The following SATB2 variants were observed in gnomAD, a reference collection of about 807,000 sequenced individuals.
The protein encoded by SATB2 is SATB homeobox 2, also known as DNA-binding protein SATB2.
SATB2 carries 1 observed loss-of-function variant against 73.4 expected under a neutral mutation model. The observed-to-expected ratio is 0.01, with a 90% CI of 0.00 to 0.06. The LOEUF (loss-of-function observed/expected upper bound fraction) is 0.06, where lower values mean the gene tolerates loss of function less well. SATB2 is among the 10% of genes least tolerant of loss of function. The pLI, the probability that SATB2 is intolerant of heterozygous loss-of-function variation, is 1.00. For missense variants in SATB2, 459 were observed against 945.8 expected (o/e 0.49, Z 6.75); for synonymous variants, 397 against 367.0 (o/e 1.08, Z -0.93).
intron 8 of SATB2, among the ~76,000 whole-genome samples, chr2:199,324,729 T>C (rs1314560843): frequency 6.6e-6 from 1 of 152,158 alleles, no homozygotes; most frequent in Non-Finnish European, 1.5e-5. Flanking sequence ...TGAATCTACT[T>C]AATCCAAAAG....
intron 7 of SATB2, among the ~76,000 whole-genome samples, chr2:199,340,659 T>C (rs1421558785): frequency 1.3e-5 from 2 of 152,172 alleles, no homozygotes; most frequent in Non-Finnish European, 2.9e-5. Context: ...AATGATACAG[T>C]CTTCTTATTG....
At chr2:199,330,433 GA>G (rs1381761873) in intron 7 of SATB2, among the ~76,000 whole-genome samples, 1 of 152,152 alleles carries the variant, frequency 6.6e-6, no homozygotes, top group Non-Finnish European at 1.5e-5. Context: ...ATACTTGGTA[GA>G]AAAGCTACAG....
rs1689454275 is a variant in SATB2, at chr2:199,371,748, G to C, written c.598-3041C>G. Among the ~76,000 whole-genome samples the C allele has an allele frequency of 1.3e-5, 2 of 152,126 alleles. 1 individual carries two copies. Among genetic ancestry groups the C allele is most frequent in the African/African-American group, 4.8e-5 (2 of 41,426 alleles). On this transcript the variant is annotated intron_variant, in intron 5 of 10. Transcript: ENST00000417098. ...CCATATCTTTTTGATAAAGGAATAA[G>C]AGCTGAGTCAACTTTTTCAATCCAG... is the stretch of plus-strand genomic sequence containing the variant.
chr2:199,467,217 G>T (rs542687629), upstream of SATB2, among the ~76,000 whole-genome samples: 1 of 152,384 alleles, frequency 6.6e-6, no homozygotes, highest in African/African-American at 2.4e-5. Flanking sequence ...CTTGTTGGCC[G>T]GTGGCTAAGG....
intron 3 of SATB2, among the ~76,000 whole-genome samples, chr2:199,424,438 GGT>G (rs1253953193): frequency 6.6e-6 from 1 of 151,916 alleles, no homozygotes; most frequent in African/African-American, 2.4e-5. Context: ...GACAGCTCTG[GGT>G]CCCACTTATA....
At chr2:199,446,085 T>A (rs1024788436) in intron 2 of SATB2, among the ~76,000 whole-genome samples, 2 of 152,122 alleles carry the variant, frequency 1.3e-5, no homozygotes, top group African/African-American at 2.4e-5. Context: ...TGACTTAATA[T>A]TAAGATTCCA....
chr2:199,374,779 C>T (rs1689548692), intron 5 of SATB2, among the ~76,000 whole-genome samples: 1 of 152,008 alleles, frequency 6.6e-6, no homozygotes, highest in African/African-American at 2.4e-5. Context: ...GTCTGGCTAA[C>T]ATGGTGAAAC....
At chr2:199,358,002 G>T (rs968084493) in intron 6 of SATB2, among the ~76,000 whole-genome samples, 2 of 152,038 alleles carry the variant, frequency 1.3e-5, no homozygotes, top group Non-Finnish European at 2.9e-5. Flanking sequence ...TGAAATTGGC[G>T]ATACGTAACA....
At chr2:199,290,239 T>C (rs1232891346) in intron 10 of SATB2, among the ~76,000 whole-genome samples, 5 of 152,266 alleles carry the variant, frequency 3.3e-5, no homozygotes, top group Admixed American at 2.6e-4. Flanking sequence ...TCACCAGGTT[T>C]GGGGCAGGCA....
At chr2:199,294,541 G>A (rs752085450) in intron 10 of SATB2, among the ~76,000 whole-genome samples, 19 of 151,954 alleles carry the variant, frequency 1.3e-4, no homozygotes, top group Non-Finnish European at 1.8e-4. Context: ...TGTCTCCTTG[G>A]GAGGCTTTCA....
At chr2:199,379,648 C>T (rs184116076) in intron 5 of SATB2, among the ~76,000 whole-genome samples, 1 of 150,366 alleles carries the variant, frequency 6.7e-6, no homozygotes, top group East Asian at 2.0e-4. Context: ...AAGTTAATGA[C>T]TGTATATGTA....
intron 10 of SATB2, among the ~76,000 whole-genome samples, chr2:199,281,882 CTTTTT>C (rs10718338): frequency 5.6e-5 from 7 of 124,082 alleles, no homozygotes; most frequent in Non-Finnish European, 5.3e-5. Flanking sequence ...TATTCTCTCT[CTTTTT>C]TTTTTTTTTT....
chr2:199,421,624 C>G (rs1691172629), intron 3 of SATB2, among the ~76,000 whole-genome samples: 1 of 152,160 alleles, frequency 6.6e-6, no homozygotes, highest in African/African-American at 2.4e-5. Flanking sequence ...CAGTAACCAA[C>G]CCGCACAATA....
intron 9 of SATB2, among the ~76,000 whole-genome samples, chr2:199,322,528 C>T (rs1377712855): frequency 6.6e-6 from 1 of 152,178 alleles, no homozygotes; most frequent in Non-Finnish European, 1.5e-5. Flanking sequence ...CTGTATTTCA[C>T]TGATTTCATT....
intron 10 of SATB2, among the ~76,000 whole-genome samples, chr2:199,300,453 CTA>C (rs529057255): frequency 1.3e-4 from 20 of 150,210 alleles, no homozygotes; most frequent in Non-Finnish European, 2.1e-4. Flanking sequence ...AAGGAAAAAA[CTA>C]TGAAAACATG....
In SATB2 at chr2:199,324,003, C is replaced by G. The variant is rs752564768; in HGVS notation, c.1387-45G>C. On this transcript the variant is annotated intron_variant, in intron 8 of 10. Transcript: ENST00000417098. ...ATAATAATTTAAAAAGTGCTGCATT[C>G]AGCCCAGCCATCTGTGCAGAAATTA... 4.4e-6 allele frequency: 7 copies of G among 1,605,720 alleles called. No homozygotes were observed. In the South Asian group the frequency reaches 7.7e-5, roughly 18 times the overall value.
rs1007072574 is a variant in SATB2 at position 199,464,485 on chromosome 2, C to A, written c.-141+351G>T. Among the ~76,000 whole-genome samples the A allele has an allele frequency of 6.6e-6, 1 of 152,124 alleles. No individual in the cohort carries two copies. The highest frequency in any genetic ancestry group is 1.5e-5 in the Non-Finnish European group (1 of 68,026). On this transcript the variant is annotated intron_variant, in intron 1 of 11. Transcript: ENST00000260926. The surrounding 1 kb of genome is among the most constrained non-coding windows in gnomAD (Gnocchi z 6.6). ...GACTTGTCAACTATTGAGACAGCGA[C>A]CCAGAAAGGTGTAAATTCACCTGGT...
intron 10 of SATB2, among the ~76,000 whole-genome samples, chr2:199,275,777 T>C (rs1207857615): frequency 6.6e-6 from 1 of 152,182 alleles, no homozygotes; most frequent in African/African-American, 2.4e-5. Context: ...AGTTATATCT[T>C]CTAGCATCTT....
At chr2:199,435,707 A>G (rs962353713) in intron 2 of SATB2, among the ~76,000 whole-genome samples, 1 of 152,210 alleles carries the variant, frequency 6.6e-6, no homozygotes, top group African/African-American at 2.4e-5. Flanking sequence ...ACTATGTGAC[A>G]GGTATCACCA....
Sources: allele counts gnomAD v4.1 joint callset (sites outside exome capture counted in the v4.1 genomes callset), GRCh38; gene constraint gnomAD v4.1.1; non-coding constraint Gnocchi (gnomAD v3.1); transcripts MANE v1.5; gene names NCBI Gene and HGNC (gene_info 2026-07-23, HGNC 2026-07-21).